The following ENTREP2 variants were observed in gnomAD, a reference collection of about 807,000 sequenced individuals.
ENTREP2 encodes the protein endosomal transmembrane epsin interactor 2.
the ENTREP2 span, among the ~76,000 whole-genome samples, chr15:29,591,236 T>G: frequency 1.3e-5 from 2 of 152,212 alleles, no homozygotes; most frequent in Non-Finnish European, 2.9e-5. Flanking sequence ...AGTTTTGCAT[T>G]TTCTTTTAAA....
chr15:29,320,637 C>A, the ENTREP2 span, among the ~76,000 whole-genome samples: 1 of 152,024 alleles, frequency 6.6e-6, no homozygotes, highest in East Asian at 1.9e-4. Context: ...GAAAAATGGA[C>A]AAATATGCAA....
the ENTREP2 span, among the ~76,000 whole-genome samples, chr15:29,384,744 C>A: frequency 3.4e-4 from 52 of 152,250 alleles, no homozygotes; most frequent in African/African-American, 1.2e-3. Flanking sequence ...CCAGCACTCC[C>A]TTCCTGTCCC....
the ENTREP2 span, among the ~76,000 whole-genome samples, chr15:29,445,745 C>G: frequency 6.6e-6 from 1 of 152,180 alleles, no homozygotes; most frequent in Admixed American, 6.5e-5. Flanking sequence ...CCATCCCACT[C>G]CTGGAGAAGG....
chr15:29,617,424 A>G, the ENTREP2 span, among the ~76,000 whole-genome samples: 1 of 152,190 alleles, frequency 6.6e-6, no homozygotes, highest in Non-Finnish European at 1.5e-5. Context: ...TTACTTAGTC[A>G]ATGGATTCAA....
the ENTREP2 span, chr15:29,121,400 C>G: frequency 5.9e-5 from 9 of 152,446 alleles, no homozygotes; most frequent in African/African-American, 1.9e-4. Flanking sequence ...CACCCAAGGG[C>G]TCAGCCCAGG....
the ENTREP2 span, among the ~76,000 whole-genome samples, chr15:29,655,569 T>C: frequency 5.3e-5 from 8 of 152,256 alleles, no homozygotes; most frequent in African/African-American, 1.9e-4. Flanking sequence ...TAGATATCAC[T>C]GGATGTTGGA....
chr15:29,554,171 C>T, the ENTREP2 span, among the ~76,000 whole-genome samples: 1 of 151,890 alleles, frequency 6.6e-6, no homozygotes, highest in East Asian at 1.9e-4. Context: ...AAGTTAGCTG[C>T]GTGTGGTGGC....
the ENTREP2 span, among the ~76,000 whole-genome samples, chr15:29,644,507 C>T: frequency 0.046 from 7,058 of 152,270 alleles, 187 homozygotes; most frequent in South Asian, 0.065. Flanking sequence ...TTCATCATCA[C>T]AGAAGTGAGT....
At chr15:29,124,043 G>T in the ENTREP2 span, among the ~76,000 whole-genome samples, 47 of 152,280 alleles carry the variant, frequency 3.1e-4, no homozygotes, top group Non-Finnish European at 1.0e-4. Flanking sequence ...GACAGGGTCT[G>T]CCTTAAGACC....
At chr15:29,616,092 G>A in the ENTREP2 span, among the ~76,000 whole-genome samples, 1 of 152,244 alleles carries the variant, frequency 6.6e-6, no homozygotes, top group Non-Finnish European at 1.5e-5. Flanking sequence ...GTTGTTGCTA[G>A]ACAATGTACC....
chr15:29,427,177 CTGT>C, the ENTREP2 span, among the ~76,000 whole-genome samples: 4 of 152,072 alleles, frequency 2.6e-5, no homozygotes, highest in Non-Finnish European at 5.9e-5. Context: ...CTATTAATTG[CTGT>C]TGTTATTTTT....
At chr15:29,315,925 T>TG in the ENTREP2 span, among the ~76,000 whole-genome samples, 1 of 145,992 alleles carries the variant, frequency 6.8e-6, no homozygotes, top group Non-Finnish European at 1.5e-5. Flanking sequence ...ATGCAGTATG[T>TG]GTACAGCACA....
At chr15:29,510,212 C>G in the ENTREP2 span, among the ~76,000 whole-genome samples, 1 of 152,124 alleles carries the variant, frequency 6.6e-6, no homozygotes, top group Non-Finnish European at 1.5e-5. Context: ...CCATCTCATG[C>G]CAGTTAGAAT....
At chr15:29,243,011 C>T in the ENTREP2 span, among the ~76,000 whole-genome samples, 3 of 152,152 alleles carry the variant, frequency 2.0e-5, no homozygotes, top group African/African-American at 4.8e-5. Context: ...TGCAGGCTAG[C>T]GAAGCTGGAG....
the ENTREP2 span, among the ~76,000 whole-genome samples, chr15:29,534,229 C>A: frequency 6.6e-6 from 1 of 151,726 alleles, no homozygotes; most frequent in Non-Finnish European, 1.5e-5. Context: ...GCTTTTACAA[C>A]CCTAACTACT....
the ENTREP2 span, chr15:29,136,928 CCT>C: frequency 2.0e-6 from 2 of 996,984 alleles, no homozygotes; most frequent in Non-Finnish European, 2.8e-6. Context: ...CACTGCCCCT[CCT>C]CTGTTCTCAC....
chr15:29,392,852 A>G, the ENTREP2 span, among the ~76,000 whole-genome samples: 1 of 152,094 alleles, frequency 6.6e-6, no homozygotes, highest in African/African-American at 2.4e-5. Flanking sequence ...TATTCCCCAC[A>G]CATGTCATTC....
the ENTREP2 span, among the ~76,000 whole-genome samples, chr15:29,543,792 AT>A: frequency 6.6e-6 from 1 of 151,446 alleles, no homozygotes; most frequent in Non-Finnish European, 1.5e-5. Context: ...AAAAAAAAAA[AT>A]CCCCCAAAAA....
chr15:29,157,965 C>T, the ENTREP2 span, among the ~76,000 whole-genome samples: 6 of 152,210 alleles, frequency 3.9e-5, no homozygotes, highest in East Asian at 1.2e-3. Context: ...GATCCAGCCG[C>T]CTTGGCCTCC....
Sources: allele counts gnomAD v4.1 joint callset (sites outside exome capture counted in the v4.1 genomes callset), GRCh38; gene constraint gnomAD v4.1.1; transcripts MANE v1.5; gene names NCBI Gene and HGNC (gene_info 2026-07-23, HGNC 2026-07-21).